Variants in KIRREL3 observed in about 807,000 individuals in gnomAD.
KIRREL3 encodes kirre like nephrin family adhesion molecule 3.
A neutral mutation model predicts 89.7 loss-of-function variants in KIRREL3; 36 were observed. That is an observed-to-expected ratio of 0.40 (90% CI 0.31 to 0.53). The LOEUF is 0.53. KIRREL3 is among the 20% of genes least tolerant of loss of function. The probability of loss-of-function intolerance (pLI) is 0.49; values close to 1 mark genes in which losing one functional copy is unlikely to be tolerated. For synonymous variants in KIRREL3, 445 were observed against 441.4 expected (o/e 1.01, Z -0.10); for missense variants, 864 against 1,056.6 (o/e 0.82, Z 2.53).
At chr11:126,728,329 C>G (rs1323321386) in intron 1 of KIRREL3, among the ~76,000 whole-genome samples, 2 of 152,166 alleles carry the variant, frequency 1.3e-5, no homozygotes, top group Admixed American at 1.3e-4. Context: ...TGTCCTGGGG[C>G]TCAGTGTTCT....
intron 1 of KIRREL3, among the ~76,000 whole-genome samples, chr11:126,921,458 TCTAC>T (rs747229514): frequency 1.8e-4 from 27 of 152,060 alleles, no homozygotes; most frequent in Non-Finnish European, 3.5e-4. Flanking sequence ...TTCCTATCTA[TCTAC>T]CTATCTGTCC....
rs1248451183 is a variant in KIRREL3 at position 126,563,871 on chromosome 11, C to T, written c.56-959G>A. ...GCACACTAATTTTTTTGACCCCCCT[C>T]TACCCCCAAACAACTCACTGAGGTG... On this transcript the variant is annotated intron_variant, in intron 1 of 16. Transcript: ENST00000525144. The surrounding 1 kb of genome is among the most constrained non-coding windows in gnomAD (Gnocchi z 6.8). Among the ~76,000 whole-genome samples, 1 of 152,168 alleles carries T rather than the reference C, an allele frequency of 6.6e-6. No individual in the cohort carries two copies. The highest frequency in any genetic ancestry group is 1.5e-5 in the Non-Finnish European group (1 of 68,038).
intron 1 of KIRREL3, among the ~76,000 whole-genome samples, chr11:126,580,018 T>C (rs1213820936): frequency 2.0e-5 from 3 of 152,070 alleles, no homozygotes; most frequent in Admixed American, 6.5e-5. Context: ...GCTAATTTTT[T>C]GTATTTTTAG....
At position 126,521,672 on chromosome 11, in the gene KIRREL3, CTGTATGTGTGTGTG is replaced by C. The variant is rs1207539646; in HGVS notation, c.284-222_284-209del. On this transcript the variant is annotated intron_variant, in intron 3 of 16. Coordinates refer to ENST00000525144, the MANE Select transcript of KIRREL3 (RefSeq NM_032531.4). The surrounding 1 kb of genome is among the most constrained non-coding windows in gnomAD (Gnocchi z 4.1). The stretch of plus-strand genomic sequence containing the variant: ...AGGTGTTGGTTCTCTCTCTCTCTCT[CTGTATGTGTGTGTG>C]TGTGTGTGTGTGTGTGTGTGTGTGT... Among the ~76,000 whole-genome samples, 11 of 43,024 alleles carry C rather than the reference CTGTATGTGTGTGTG, an allele frequency of 2.6e-4. No homozygotes were observed. The highest frequency in any genetic ancestry group is 1.6e-3 in the African/African-American group (9 of 5,550). 28.2% of individuals were successfully genotyped at this position (43,024 alleles called of 152,430 possible).
rs890635996 is a variant in KIRREL3, at chr11:126,761,149, A to G, written c.56-198237T>C. Reference sequence around the variant, plus strand: ...TCTGAAGAATCTACTAGGGCTTGGAATACCTGTCTTGATCATTCTGAGAAG... The same window carrying G: ...TCTGAAGAATCTACTAGGGCTTGGAGTACCTGTCTTGATCATTCTGAGAAG... On this transcript the variant is annotated intron_variant, in intron 1 of 16. Transcript: ENST00000525144. This position sits in a 1 kb window ranked among gnomAD's most constrained non-coding sequence, Gnocchi z 4.4. 2.0e-5 allele frequency among the ~76,000 whole-genome samples: 3 copies of G among 152,196 alleles called. No homozygotes were observed. The highest frequency in any genetic ancestry group is 2.9e-5 in the Non-Finnish European group (2 of 68,044).
rs750140533 is a variant in KIRREL3 at position 126,576,583 on chromosome 11, A to G, written c.56-13671T>C. Among the ~76,000 whole-genome samples the G allele has an allele frequency of 8.5e-5, 13 of 152,158 alleles. No individual in the cohort carries two copies. The highest frequency in any genetic ancestry group is 1.9e-4 in the Non-Finnish European group (13 of 68,030). On this transcript the variant is annotated intron_variant, in intron 1 of 16. Coordinates refer to ENST00000525144, the MANE Select transcript of KIRREL3 (RefSeq NM_032531.4). This position sits in a 1 kb window ranked among gnomAD's most constrained non-coding sequence, Gnocchi z 5.4. ...AACATCCCTGGACCTCAGCATCTCCATCTTCAAAATGCTGTCACCAAACCC... is the reference window on the plus strand; with the variant it reads ...AACATCCCTGGACCTCAGCATCTCCGTCTTCAAAATGCTGTCACCAAACCC...
At chr11:126,921,559 A>G (rs1947294059) in intron 1 of KIRREL3, among the ~76,000 whole-genome samples, 1 of 144,750 alleles carries the variant, frequency 6.9e-6, no homozygotes. Flanking sequence ...ATCTATATCT[A>G]TCAATCTATC....
At chr11:126,735,046 G>A (rs1357539899) in intron 1 of KIRREL3, among the ~76,000 whole-genome samples, 1 of 152,190 alleles carries the variant, frequency 6.6e-6, no homozygotes, top group Non-Finnish European at 1.5e-5. Flanking sequence ...AGAAAGCAAG[G>A]GCTTTCCTAT....
intron 7 of KIRREL3, among the ~76,000 whole-genome samples, chr11:126,449,579 A>G (rs1955949891): frequency 6.6e-6 from 1 of 152,206 alleles, no homozygotes; most frequent in Non-Finnish European, 1.5e-5. Flanking sequence ...ATGACCTCAG[A>G]GGCCAGGGTC....
In KIRREL3 at chr11:126,837,151, C is replaced by T. The variant is rs1235227860; in HGVS notation, c.55+163304G>A. 6.6e-6 allele frequency among the ~76,000 whole-genome samples: 1 copy of T among 152,148 alleles called. No homozygotes were observed. Among genetic ancestry groups the T allele is most frequent in the Non-Finnish European group, 1.5e-5 (1 of 68,026 alleles). ...AGTTGGGTTCAAATCCAAGCTTGGTCTTTAACAAGTGTGTGGCCTTGGGTA... is the reference window on the plus strand; with the variant it reads ...AGTTGGGTTCAAATCCAAGCTTGGTTTTTAACAAGTGTGTGGCCTTGGGTA... On this transcript the variant is annotated intron_variant, in intron 1 of 16. Transcript: ENST00000525144. This position sits in a 1 kb window ranked among gnomAD's most constrained non-coding sequence, Gnocchi z 4.7.
intron 1 of KIRREL3, among the ~76,000 whole-genome samples, chr11:126,810,252 ATCT>A (rs1452137603): frequency 2.6e-5 from 4 of 152,240 alleles, no homozygotes; most frequent in Middle Eastern, 6.8e-3. Flanking sequence ...TACAAAATAA[ATCT>A]TCTATTCACA....
chr11:126,549,887 T>C (rs1223081704), intron 2 of KIRREL3: 1 of 152,200 alleles, frequency 6.6e-6, no homozygotes, highest in Non-Finnish European at 1.5e-5. Flanking sequence ...TTCTTGTCTT[T>C]GGAGGGATTC....
At chr11:126,794,842 AC>A (rs1950753930) in intron 1 of KIRREL3, among the ~76,000 whole-genome samples, 1 of 152,230 alleles carries the variant, frequency 6.6e-6, no homozygotes, top group Non-Finnish European at 1.5e-5. Flanking sequence ...AATGAAAGCA[AC>A]CTAGATGTCC....
intron 1 of KIRREL3, among the ~76,000 whole-genome samples, chr11:126,902,880 C>T (rs574154276): frequency 7.2e-5 from 11 of 152,306 alleles, no homozygotes; most frequent in African/African-American, 2.6e-4. Flanking sequence ...GCACCCTCAT[C>T]TCTCAGAAAG....
At chr11:126,473,055 C>CCCAACCAGCCCCCCCACCA (rs1956958064) in intron 5 of KIRREL3, among the ~76,000 whole-genome samples, 1 of 5,716 alleles carries the variant, frequency 1.7e-4, no homozygotes, top group African/African-American at 4.4e-4. Context: ...CCCAGCCCCT[C>CCCAACCAGCCCCCCCACCA]TCCCCAGCCC....
At position 126,807,742 on chromosome 11, in the gene KIRREL3, A is replaced by T. The variant is rs1193787003; in HGVS notation, c.55+192713T>A. The stretch of plus-strand genomic sequence containing the variant: ...TAGGAGGCTTCTGAGATTCTTCTAC[A>T]TGTCTACTCTGATGTGGTTGGAGAG... On this transcript the variant is annotated intron_variant, in intron 1 of 16. Transcript: ENST00000525144. The surrounding 1 kb of genome is among the most constrained non-coding windows in gnomAD (Gnocchi z 4.3). 6.6e-6 allele frequency among the ~76,000 whole-genome samples: 1 copy of T among 152,128 alleles called. No individual in the cohort carries two copies. Among genetic ancestry groups the T allele is most frequent in the Non-Finnish European group, 1.5e-5 (1 of 68,024 alleles).
intron 1 of KIRREL3, among the ~76,000 whole-genome samples, chr11:126,932,619 C>A (rs1324603147): frequency 6.6e-6 from 1 of 152,208 alleles, no homozygotes; most frequent in Non-Finnish European, 1.5e-5. Flanking sequence ...ACAGCCACCC[C>A]CAGCAGGCTC....
intron 7 of KIRREL3, among the ~76,000 whole-genome samples, chr11:126,450,630 T>C (rs1402881408): frequency 6.7e-6 from 1 of 148,232 alleles, no homozygotes; most frequent in East Asian, 2.0e-4. Context: ...AGCATGTGCA[T>C]GTGGGAGCAT....
chr11:126,713,852 G>A (rs189180163), intron 1 of KIRREL3, among the ~76,000 whole-genome samples: 107 of 152,176 alleles, frequency 7.0e-4, no homozygotes, highest in Non-Finnish European at 1.2e-3. Flanking sequence ...TGGGGAGCAC[G>A]GAACAGCATC....
Sources: allele counts gnomAD v4.1 joint callset (sites outside exome capture counted in the v4.1 genomes callset), GRCh38; gene constraint gnomAD v4.1.1; non-coding constraint Gnocchi (gnomAD v3.1); transcripts MANE v1.5; gene names NCBI Gene and HGNC (gene_info 2026-07-23, HGNC 2026-07-21).